Variants in PCDHGB4 observed in about 807,000 individuals in gnomAD.
PCDHGB4 encodes protocadherin gamma subfamily B, 4, also known as protocadherin gamma-B4.
In PCDHGB4, 38 loss-of-function variants were observed where a neutral mutation model predicts 60.5. The ratio of observed to expected loss-of-function variants is 0.63; its 90% CI spans 0.48 to 0.82. PCDHGB4 has a LOEUF of 0.82. Among genes scored for constraint, PCDHGB4 ranks in the 40% least tolerant of loss-of-function variants. The pLI, the probability that PCDHGB4 is intolerant of heterozygous loss-of-function variation, is 0.00. For synonymous variants in PCDHGB4, 456 were observed against 509.7 expected (o/e 0.89, Z 1.42); for missense variants, 1,109 against 1,209.6 (o/e 0.92, Z 1.23).
At chr5:141,499,184 A>G (rs2099789986) in intron 2 of PCDHGB4, among the ~76,000 whole-genome samples, 1 of 151,726 alleles carries the variant, frequency 6.6e-6, no homozygotes, top group African/African-American at 2.4e-5. Context: ...CCAGCAAACC[A>G]TTTCCCCCTT....
rs1332652972 is a variant in PCDHGB4, at chr5:141,432,381, C to T, written c.2397+42100C>T. On this transcript the variant is annotated intron_variant, in intron 1 of 3. Transcript: ENST00000519479. The surrounding 1 kb of genome is among the most constrained non-coding windows in gnomAD (Gnocchi z 6.0). ...ATGGCGCGGGACAACGGGCACCCGCCCCTCAGCAGCAACGTGTCGTTGAGC... is the reference window on the plus strand; with the variant it reads ...ATGGCGCGGGACAACGGGCACCCGCTCCTCAGCAGCAACGTGTCGTTGAGC... 1 of 1,614,256 alleles carries T rather than the reference C, an allele frequency of 6.2e-7. No homozygotes were observed. The highest frequency in any genetic ancestry group is 1.1e-5 in the South Asian group (1 of 91,082).
intron 1 of PCDHGB4, among the ~76,000 whole-genome samples, chr5:141,437,093 C>T (rs1382920904): frequency 2.6e-5 from 4 of 152,136 alleles, no homozygotes; most frequent in East Asian, 1.9e-4. Flanking sequence ...TTGAAACTAA[C>T]GGCTTAGCTT....
At position 141,432,554 on chromosome 5, in the gene PCDHGB4, G is replaced by A. The variant is rs757821109; in HGVS notation, c.2397+42273G>A. The A allele has an allele frequency of 9.3e-6, 15 of 1,613,832 alleles. No homozygotes were observed. Among genetic ancestry groups the A allele is most frequent in the Non-Finnish European group, 1.3e-5 (15 of 1,180,006 alleles). On this transcript the variant is annotated intron_variant, in intron 1 of 3. Coordinates refer to ENST00000519479, the MANE Select transcript of PCDHGB4 (RefSeq NM_003736.4). The surrounding 1 kb of genome is among the most constrained non-coding windows in gnomAD (Gnocchi z 6.0). ...GGTGGTGGCGGTGGACAGAGACTCCGGCCAGAACGCCTGGCTGTCCTACCG... is the reference window on the plus strand; with the variant it reads ...GGTGGTGGCGGTGGACAGAGACTCCAGCCAGAACGCCTGGCTGTCCTACCG...
At chr5:141,390,424 T>C (rs1175804708) in intron 1 of PCDHGB4, 143 bp downstream of exon 1, 23 of 1,041,938 alleles carry the variant, frequency 2.2e-5, no homozygotes, top group Non-Finnish European at 3.0e-5. Flanking sequence ...GTTAAAAAGC[T>C]GTCATATCAT....
Position 141,485,449 on chromosome 5 carries a change from A to G in PCDHGB4, c.2398-9358A>G, listed in dbSNP as rs2099613844. 6.2e-7 allele frequency: 1 copy of G among 1,614,054 alleles called. No homozygotes were observed. The highest frequency in any genetic ancestry group is 2.2e-5 in the East Asian group (1 of 44,876). On this transcript the variant is annotated intron_variant, in intron 1 of 3. Coordinates refer to ENST00000519479, the MANE Select transcript of PCDHGB4 (RefSeq NM_003736.4). The surrounding 1 kb of genome is among the most constrained non-coding windows in gnomAD (Gnocchi z 5.7). ...TGCTCATCAAGAACCCAATCGACCG[A>G]GAGGCACTGTGTGGGCTCAGTGCCA...
chr5:141,410,295 T>C (rs1043971768), intron 1 of PCDHGB4: 2 of 1,613,982 alleles, frequency 1.2e-6, no homozygotes, highest in East Asian at 2.2e-5. Context: ...GCCTTGGCCT[T>C]AATCTCAGTG....
intron 1 of PCDHGB4, chr5:141,404,548 G>C (rs761765539): frequency 1.2e-5 from 20 of 1,613,740 alleles, no homozygotes. Context: ...AAATGCAGGT[G>C]ACGGCAAGTG....
chr5:141,477,705 G>A lies in PCDHGB4; in HGVS notation c.2398-17102G>A, dbSNP rs1285254654. On this transcript the variant is annotated intron_variant, in intron 1 of 3. Coordinates refer to ENST00000519479, the MANE Select transcript of PCDHGB4 (RefSeq NM_003736.4). The surrounding 1 kb of genome is among the most constrained non-coding windows in gnomAD (Gnocchi z 4.9). ...TTAGTGCCCCTAGACTATGAGGATCGGCGGGAATTTGAATTAACAGCTCAT... is the reference window on the plus strand; with the variant it reads ...TTAGTGCCCCTAGACTATGAGGATCAGCGGGAATTTGAATTAACAGCTCAT... The A allele has an allele frequency of 6.2e-7, 1 of 1,614,008 alleles. No homozygotes were observed. Among genetic ancestry groups the A allele is most frequent in the Non-Finnish European group, 8.5e-7 (1 of 1,180,048 alleles).
Position 141,486,107 on chromosome 5 carries a change from A to T in PCDHGB4, c.2398-8700A>T, listed in dbSNP as rs758269750. ...TCTTTTGGGGCCCCTAGACTTTGAG[A>T]GTGAGAATTACTATGAATTTGATGT... is the stretch of plus-strand genomic sequence containing the variant. On this transcript the variant is annotated intron_variant, in intron 1 of 3. Transcript: ENST00000519479. The surrounding 1 kb of genome is among the most constrained non-coding windows in gnomAD (Gnocchi z 5.0). The T allele has an allele frequency of 6.2e-7, 1 of 1,614,102 alleles. No individual in the cohort carries two copies. Among genetic ancestry groups the T allele is most frequent in the South Asian group, 1.1e-5 (1 of 91,080 alleles).
intron 3 of PCDHGB4, among the ~76,000 whole-genome samples, chr5:141,506,045 C>G (rs1379226123): frequency 6.6e-6 from 1 of 152,078 alleles, no homozygotes; most frequent in Non-Finnish European, 1.5e-5. Flanking sequence ...TCTGGTTTTC[C>G]CATAAGGTTG....
At chr5:141,509,573 C>G (rs372901649) in intron 3 of PCDHGB4, among the ~76,000 whole-genome samples, 4 of 152,164 alleles carry the variant, frequency 2.6e-5, no homozygotes, top group Admixed American at 2.6e-4. Context: ...CTTCACAGTG[C>G]GTACAAATCA....
At chr5:141,393,211 T>G (rs1310978287) in intron 1 of PCDHGB4, 3 of 1,613,502 alleles carry the variant, frequency 1.9e-6, no homozygotes, top group Non-Finnish European at 1.7e-6. Flanking sequence ...AACCCAAAAT[T>G]CCAGGTCGAA....
intron 1 of PCDHGB4, among the ~76,000 whole-genome samples, chr5:141,447,123 T>TTTTG (rs1327676720): frequency 6.6e-6 from 1 of 152,160 alleles, no homozygotes; most frequent in Admixed American, 6.6e-5. Context: ...CCATGGATTT[T>TTTTG]TTTGTTTGTT....
chr5:141,441,937 C>T, intron 1 of PCDHGB4: 1 of 344,792 alleles, frequency 2.9e-6, no homozygotes, highest in Non-Finnish European at 5.6e-6. Context: ...GCTGTCCTAC[C>T]ACGTGCTGCA....
intron 2 of PCDHGB4, among the ~76,000 whole-genome samples, chr5:141,502,827 A>G (rs1003204508): frequency 2.7e-5 from 4 of 150,478 alleles, no homozygotes; most frequent in African/African-American, 9.8e-5. Flanking sequence ...TCCTTGGGGA[A>G]GCCTGGACTG....
rs1372368815 is a variant in PCDHGB4 at position 141,491,370 on chromosome 5, C to T, written c.2398-3437C>T. 3 of 1,614,038 alleles carry T rather than the reference C, an allele frequency of 1.9e-6. No individual in the cohort carries two copies. The highest frequency in any genetic ancestry group is 2.2e-5 in the East Asian group (1 of 44,880). ...GTCTCTTATCCCTAGTCACCTTCAC[C>T]TTTCTGTCAGCGAAGTGCCTTCAGG... On this transcript the variant is annotated intron_variant, in intron 1 of 3. Transcript: ENST00000519479. The surrounding 1 kb of genome is among the most constrained non-coding windows in gnomAD (Gnocchi z 6.9).
At chr5:141,500,500 C>T (rs6872480) in intron 2 of PCDHGB4, among the ~76,000 whole-genome samples, 1,599 of 152,210 alleles carry the variant, frequency 0.011, 36 homozygotes, top group African/African-American at 0.036. Context: ...TGAGCCACCG[C>T]GCCTGGCCGA....
rs370987485 is a variant in PCDHGB4, at chr5:141,389,754, G to A, written c.1870G>A (p.Val624Met). Residue 624 changes from valine to methionine, a missense_variant, in exon 1 of 4, where the codon GTG becomes ATG. Physicochemically the swap from Val to Met is conservative, Grantham distance 21. Coordinates refer to ENST00000519479, the MANE Select transcript of PCDHGB4 (RefSeq NM_003736.4). ...CAGCCTGGGGCTGCGCACGGGCGAA[G>A]TGCGCACAGCGCGTGCCTTAGGCGA... ...LFSLGLRTGE[V>M]RTARALGDRD... 1.9e-6 allele frequency: 3 copies of A among 1,612,772 alleles called. No individual in the cohort carries two copies. The highest frequency in any genetic ancestry group is 2.2e-5 in the South Asian group (2 of 91,024).
intron 1 of PCDHGB4, chr5:141,423,754 G>C: frequency 1.7e-6 from 1 of 577,836 alleles, no homozygotes. Flanking sequence ...ACTGTTTGGG[G>C]GGGGGGTGGG....
Sources: gnomAD v4.1 joint callset for allele counts (sites outside exome capture counted in the v4.1 genomes callset) on GRCh38, gnomAD v4.1.1 for gene constraint, Gnocchi (gnomAD v3.1) non-coding constraint, MANE v1.5 for transcripts, NCBI Gene and HGNC (gene_info 2026-07-23, HGNC 2026-07-21) for gene names.